ARHGAP11A: variants seen among roughly 807,000 people sequenced by gnomAD.
The protein encoded by ARHGAP11A is Rho GTPase activating protein 11A.
ARHGAP11A carries 36 observed loss-of-function variants against 60.5 expected under a neutral mutation model. The observed-to-expected ratio is 0.59, with a 90% CI of 0.46 to 0.79. The LOEUF is 0.79. Ranked by LOEUF, ARHGAP11A falls within the 30% of genes least tolerant of loss-of-function variation. The pLI, the probability that ARHGAP11A is intolerant of heterozygous loss-of-function variation, is 0.00. For synonymous variants in ARHGAP11A, 362 were observed against 415.5 expected (o/e 0.87, Z 1.57); for missense variants, 1,071 against 1,199.2 (o/e 0.89, Z 1.58).
intron 10 of ARHGAP11A, 136 bp from the exon 11 acceptor site, chr15:32,635,641 T>A (rs1295049879): frequency 1.8e-6 from 1 of 543,538 alleles, no homozygotes; most frequent in Non-Finnish European, 3.0e-6. Context: ...TTTGTCATTG[T>A]TAAGAATTGT....
Position 32,637,763 on chromosome 15 carries a change from G to C in ARHGAP11A, c.2990G>C (p.Gly997Ala), listed in dbSNP as rs1364140253. 1 of 1,614,064 alleles carries C rather than the reference G, an allele frequency of 6.2e-7. No individual in the cohort carries two copies. Among genetic ancestry groups the C allele is most frequent in the Admixed American group, 1.7e-5 (1 of 59,998 alleles). Residue 997 changes from glycine to alanine, a missense_variant, in exon 12 of 12, where the codon GGA (glycine) becomes GCA (alanine). Around this residue, in one of 4 missense-constraint regions of ARHGAP11A, gnomAD observed 776 missense variants for 760.2 expected, o/e 1.02. Coordinates refer to ENST00000361627, the MANE Select transcript of ARHGAP11A (RefSeq NM_014783.6). ...NRVLRRPSER[G>A]RAWYKGSPKH... Reference sequence around the variant, plus strand: ...GTCCTTAGGAGACCATCAGAAAGAGGAAGGGCCTGGTACAAAGGTTCTCCA... The same window carrying C: ...GTCCTTAGGAGACCATCAGAAAGAGCAAGGGCCTGGTACAAAGGTTCTCCA...
At chr15:32,623,206 A>G (rs1190317725) in intron 2 of ARHGAP11A, among the ~76,000 whole-genome samples, 1 of 151,804 alleles carries the variant, frequency 6.6e-6, no homozygotes, top group Non-Finnish European at 1.5e-5. Flanking sequence ...AGAGGCAGAA[A>G]AAAAAGACAA....
At chr15:32,625,921 G>T (rs888938529) in intron 6 of ARHGAP11A, among the ~76,000 whole-genome samples, 4 of 152,282 alleles carry the variant, frequency 2.6e-5, no homozygotes, top group African/African-American at 7.2e-5. Flanking sequence ...ATAATGGATA[G>T]AATTTAGTGG....
chr15:32,631,433 T>C (rs1395078795), intron 8 of ARHGAP11A, among the ~76,000 whole-genome samples: 7 of 152,022 alleles, frequency 4.6e-5, no homozygotes, highest in African/African-American at 1.7e-4. Context: ...GTAGCTGGGA[T>C]TATAGGTGGC....
chr15:32,627,028 A>G (rs114639349), intron 6 of ARHGAP11A, among the ~76,000 whole-genome samples: 2,823 of 152,342 alleles, frequency 0.019, 98 homozygotes, highest in African/African-American at 0.064. Context: ...CCTATCCCCA[A>G]TGGAGATATT....
intron 8 of ARHGAP11A, among the ~76,000 whole-genome samples, chr15:32,631,817 A>G (rs1316239096): frequency 1.3e-5 from 2 of 151,826 alleles, no homozygotes; most frequent in Non-Finnish European, 2.9e-5. Context: ...TTGGGATTAC[A>G]GGCATGCACC....
At chr15:32,621,974 A>G (rs2053333927) in intron 2 of ARHGAP11A, among the ~76,000 whole-genome samples, 1 of 152,308 alleles carries the variant, frequency 6.6e-6, no homozygotes. Context: ...GTCATCCAAA[A>G]GCAATTATCG....
At chr15:32,617,465 C>T (rs1460065297) in intron 1 of ARHGAP11A, among the ~76,000 whole-genome samples, 18 of 123,054 alleles carry the variant, frequency 1.5e-4, no homozygotes, top group South Asian at 2.5e-4. Flanking sequence ...CTTTTCTTTT[C>T]TTTTCCTTTT....
intron 4 of ARHGAP11A, among the ~76,000 whole-genome samples, chr15:32,624,655 A>G (rs1406819731): frequency 6.6e-6 from 1 of 152,182 alleles, no homozygotes; most frequent in East Asian, 1.9e-4. Context: ...ATTGGTGTTT[A>G]TAAGATTCAT....
Position 32,625,140 on chromosome 15 carries a change from T to C in ARHGAP11A, c.612T>C (p.Leu204=). The C allele has an allele frequency of 1.2e-6, 2 of 1,613,926 alleles. No homozygotes were observed. Among genetic ancestry groups the C allele is most frequent in the Non-Finnish European group, 1.7e-6 (2 of 1,179,834 alleles). The change falls in exon 5 of 12, where the codon CTT becomes CTC. Residue 204 remains leucine (L), a synonymous_variant. Transcript: ENST00000361627. ...NLAVIFAPNL[L]QTSEGHEKMS... ...CAGTAATATTTGCACCGAATCTTCT[T>C]CAGACAAGTGAAGGACATGAAAAGA...
chr15:32,631,234 C>T (rs2053576094), intron 8 of ARHGAP11A, among the ~76,000 whole-genome samples: 1 of 151,654 alleles, frequency 6.6e-6, no homozygotes, highest in South Asian at 2.1e-4. Flanking sequence ...AAATATGATG[C>T]TTTTAAAAAT....
intron 3 of ARHGAP11A, 114 bp downstream of exon 3, chr15:32,623,702 AT>A (rs1486395038): frequency 5.2e-6 from 5 of 958,450 alleles, no homozygotes; most frequent in African/African-American, 3.5e-5. Flanking sequence ...TTGAATTTGC[AT>A]TTTTTTCATG....
At chr15:32,633,208 A>G (rs1478515964) in intron 9 of ARHGAP11A, 100 bp downstream of exon 9, 1 of 1,364,408 alleles carries the variant, frequency 7.3e-7, no homozygotes, top group Non-Finnish European at 1.0e-6. Context: ...TATTTGAGTC[A>G]TAATTTTTTA....
intron 6 of ARHGAP11A, among the ~76,000 whole-genome samples, chr15:32,627,805 G>A (rs933093302): frequency 1.6e-5 from 2 of 124,360 alleles, no homozygotes; most frequent in African/African-American, 5.7e-5. Context: ...TTGCTATTAA[G>A]GCTCACTTTT....
At chr15:32,626,040 G>A (rs984993946) in intron 6 of ARHGAP11A, among the ~76,000 whole-genome samples, 2 of 152,086 alleles carry the variant, frequency 1.3e-5, no homozygotes, top group African/African-American at 4.8e-5. Flanking sequence ...AGATAGTGCA[G>A]TATGACTTGA....
Position 32,629,712 on chromosome 15 carries a change from T to C in ARHGAP11A, c.1055T>C (p.Phe352Ser). ...AAGTCCATCAAGCACAATTTTAACTTTGAGCTGTTGCCAAGTAATCTCTTC... is the reference window on the plus strand; with the variant it reads ...AAGTCCATCAAGCACAATTTTAACTCTGAGCTGTTGCCAAGTAATCTCTTC... ...KRKSIKHNFN[F>S]ELLPSNLFNS... is the part of the protein sequence containing the mutation. Residue 352 changes from phenylalanine to serine, a missense_variant, in exon 8 of 12, where the codon TTT (phenylalanine) becomes TCT (serine). This residue lies in a region of ARHGAP11A where 196 missense variants were observed against 272.1 expected (regional missense o/e 0.72). Coordinates refer to ENST00000361627, the MANE Select transcript of ARHGAP11A (RefSeq NM_014783.6). 6.2e-7 allele frequency: 1 copy of C among 1,613,182 alleles called. No individual in the cohort carries two copies. Among genetic ancestry groups the C allele is most frequent in the Non-Finnish European group, 8.5e-7 (1 of 1,179,716 alleles).
chr15:32,637,457 G>T lies in ARHGAP11A; in HGVS notation c.2684G>T (p.Cys895Phe). The T allele has an allele frequency of 6.2e-7, 1 of 1,614,070 alleles. No individual in the cohort carries two copies. The highest frequency in any genetic ancestry group is 1.1e-5 in the South Asian group (1 of 91,086). The change falls in exon 12 of 12, where the codon TGT (cysteine) becomes TTT (phenylalanine). Residue 895 changes from cysteine (C) to phenylalanine (F), a missense_variant. Physicochemically the swap from Cys to Phe is radical, Grantham distance 205. Transcript: ENST00000361627. ...GCATCAAAAGATTCCTCTGTTTCAT[G>T]TATCAAATCAGGTCCTAAAGAACAG... ...ESASKDSSVS[C>F]IKSGPKEQKS...
rs914572349 is a variant in ARHGAP11A at position 32,638,964 on chromosome 15, A to T, written c.*1119A>T. 2 of 152,632 alleles carry T rather than the reference A, an allele frequency of 1.3e-5. No homozygotes were observed. The highest frequency in any genetic ancestry group is 4.8e-5 in the African/African-American group (2 of 41,442). The allele number at this position is 152,632 out of a possible 1,614,324, so 9.5% of individuals were successfully genotyped here. A position where few individuals can be genotyped will look rare whatever the true frequency, so the allele number is the denominator to read the frequency against. On this transcript the variant is annotated 3_prime_UTR_variant, in exon 12 of 12. Transcript: ENST00000361627. ...GCACCTCTTTACCTTTTTTACTTGG[A>T]TAAAAACCTATGATGATTTTGTCCT... is the stretch of plus-strand genomic sequence containing the variant.
intron 10 of ARHGAP11A, 90 bp from the exon 11 acceptor site, chr15:32,635,687 G>A (rs1387366024): frequency 3.3e-6 from 3 of 909,808 alleles, no homozygotes; most frequent in Non-Finnish European, 4.5e-6. Context: ...ATCAGCTAAA[G>A]ATTTTGATAA....
Sources: allele counts gnomAD v4.1 joint callset (sites outside exome capture counted in the v4.1 genomes callset), GRCh38; gene constraint gnomAD v4.1.1; regional missense constraint gnomAD v4.1.1; transcripts MANE v1.5; gene names NCBI Gene and HGNC (gene_info 2026-07-23, HGNC 2026-07-21).